Variants in TTC27 observed in about 807,000 individuals in gnomAD.
TTC27 encodes tetratricopeptide repeat domain 27.
A neutral mutation model predicts 115.9 loss-of-function variants in TTC27; 79 were observed. The ratio of observed to expected loss-of-function variants is 0.68; its 90% CI spans 0.57 to 0.82. TTC27 has a LOEUF of 0.82. Among genes scored for constraint, TTC27 ranks in the 40% least tolerant of loss-of-function variants. TTC27 has a pLI of 0.00. For missense variants in TTC27, 1,054 were observed against 993.1 expected (o/e 1.06, Z -0.82); for synonymous variants, 401 against 356.0 (o/e 1.13, Z -1.42).
chr2:32,810,075 A>G (rs1158966371), intron 16 of TTC27, among the ~76,000 whole-genome samples: 1 of 148,358 alleles, frequency 6.7e-6, no homozygotes, highest in African/African-American at 2.5e-5. Context: ...AGATCATACC[A>G]CTGCACTCCA....
Position 32,742,344 on chromosome 2 carries a change from A to G in TTC27, c.1452+5528A>G, listed in dbSNP as rs1668674108. Among the ~76,000 whole-genome samples, 3 of 152,386 alleles carry G rather than the reference A, an allele frequency of 2.0e-5. No homozygotes were observed. The South Asian group carries it at 6.2e-4, about 32-fold the overall frequency. On this transcript the variant is annotated intron_variant, in intron 12 of 19. Transcript: ENST00000317907. ...TACTCTATAAATTGGTAATGCAAATAAGAGATGATCAACTAATTGAATAAT... is the reference window on the plus strand; with the variant it reads ...TACTCTATAAATTGGTAATGCAAATGAGAGATGATCAACTAATTGAATAAT...
intron 4 of TTC27, among the ~76,000 whole-genome samples, chr2:32,647,370 T>C (rs1450164366): frequency 1.3e-5 from 2 of 152,142 alleles, no homozygotes; most frequent in Non-Finnish European, 2.9e-5. Context: ...AAGGGACAGA[T>C]AATTGAGATG....
intron 9 of TTC27, among the ~76,000 whole-genome samples, chr2:32,689,494 C>A (rs79334515): frequency 9.9e-5 from 15 of 152,128 alleles, no homozygotes; most frequent in Non-Finnish European, 2.2e-4. Flanking sequence ...GAACAAATTC[C>A]CAATAGGAAA....
intron 10 of TTC27, among the ~76,000 whole-genome samples, chr2:32,717,577 A>G (rs1667796599): frequency 6.6e-6 from 1 of 152,110 alleles, no homozygotes; most frequent in Non-Finnish European, 1.5e-5. Flanking sequence ...TCATTGTGTA[A>G]CTTTTTCACA....
chr2:32,750,143 G>A (rs1668959434), intron 12 of TTC27, among the ~76,000 whole-genome samples: 1 of 152,184 alleles, frequency 6.6e-6, no homozygotes, highest in South Asian at 2.1e-4. Flanking sequence ...AATCCAAGAA[G>A]CCAAATACTT....
intron 12 of TTC27, 37 bp from the exon 13 acceptor site, chr2:32,758,255 C>T (rs753652473): frequency 1.9e-6 from 3 of 1,562,164 alleles, no homozygotes; most frequent in Non-Finnish European, 1.7e-6. Context: ...AGCAGTTAAT[C>T]ACTCTTAAGC....
At chr2:32,693,150 T>C (rs1666874659) in intron 9 of TTC27, among the ~76,000 whole-genome samples, 1 of 152,226 alleles carries the variant, frequency 6.6e-6, no homozygotes, top group Non-Finnish European at 1.5e-5. Context: ...TTTGTTGTTT[T>C]TATTGTTTCT....
At chr2:32,702,045 C>T (rs1372934317) in intron 9 of TTC27, among the ~76,000 whole-genome samples, 1 of 128,362 alleles carries the variant, frequency 7.8e-6, no homozygotes, top group African/African-American at 2.9e-5. Context: ...AAAAAACCAG[C>T]TACCAAAACT....
intron 14 of TTC27, among the ~76,000 whole-genome samples, chr2:32,779,596 T>G (rs1402914418): frequency 1.3e-5 from 2 of 152,076 alleles, no homozygotes; most frequent in Non-Finnish European, 2.9e-5. Context: ...CTGTTAAGTT[T>G]TTTTTTTTTC....
chr2:32,628,519 C>T, intron 1 of TTC27, 139 bp downstream of exon 1: 1 of 858,902 alleles, frequency 1.2e-6, no homozygotes. Flanking sequence ...GTCGTTTAGT[C>T]TTTGACATGG....
In TTC27 at chr2:32,672,335, C is replaced by G; in HGVS notation, c.1003C>G (p.Gln335Glu). The G allele has an allele frequency of 6.2e-7, 1 of 1,613,924 alleles. No homozygotes were observed. ...AAAGTTAGCAGATTGTGAACAGTTC[C>G]AGATGCCGGATCTGTGTGCTGAAGA... ...DIKLADCEQF[Q>E]MPDLCAEEIA... Residue 335 changes from glutamine to glutamate, a missense_variant, in exon 8 of 20, where the codon CAG (glutamine) becomes GAG (glutamate). By Grantham distance (29) the Gln-to-Glu change is conservative. Coordinates refer to ENST00000317907, the MANE Select transcript of TTC27 (RefSeq NM_017735.5).
chr2:32,659,854 T>C (rs1279128073), intron 5 of TTC27, among the ~76,000 whole-genome samples: 1 of 152,190 alleles, frequency 6.6e-6, no homozygotes, highest in Non-Finnish European at 1.5e-5. Context: ...CTCATCCTTT[T>C]TTATAGCCGT....
intron 10 of TTC27, among the ~76,000 whole-genome samples, chr2:32,715,917 G>A (rs1249519980): frequency 2.0e-5 from 3 of 149,376 alleles, no homozygotes; most frequent in East Asian, 2.0e-4. Context: ...GGAATTAGAT[G>A]TAACACCTGG....
chr2:32,755,815 T>G (rs59651838), intron 12 of TTC27, among the ~76,000 whole-genome samples: 7,693 of 152,174 alleles, frequency 0.051, 316 homozygotes, highest in African/African-American at 0.11. Flanking sequence ...AAACACTGAG[T>G]GTTGTTTGCT....
intron 9 of TTC27, among the ~76,000 whole-genome samples, chr2:32,691,646 T>C (rs1371544077): frequency 6.6e-6 from 1 of 152,124 alleles, no homozygotes; most frequent in African/African-American, 2.4e-5. Flanking sequence ...TCTCAAAATA[T>C]CCTCTTATAC....
chr2:32,628,337 G>A lies in TTC27; in HGVS notation c.45G>A (p.Glu15=), dbSNP rs773281976. ...ELAILRGFPT[E]AERQQWKQEG... ...CAATTCTGAGGGGATTCCCCACTGAGGCTGAGCGGCAGCAATGGAAACAGG... is the reference window on the plus strand; with the variant it reads ...CAATTCTGAGGGGATTCCCCACTGAAGCTGAGCGGCAGCAATGGAAACAGG... Residue 15 remains glutamate (E), a synonymous_variant, in exon 1 of 20, where the codon GAG becomes GAA. Transcript: ENST00000317907. The A allele has an allele frequency of 3.7e-5, 59 of 1,608,128 alleles. No homozygotes were observed. Among genetic ancestry groups the A allele is most frequent in the Non-Finnish European group, 4.7e-5 (55 of 1,178,266 alleles).
chr2:32,771,490 AC>A (rs1669828978), intron 13 of TTC27, among the ~76,000 whole-genome samples: 1 of 152,232 alleles, frequency 6.6e-6, no homozygotes, highest in African/African-American at 2.4e-5. Context: ...CAAATCTAGC[AC>A]AAGAATTAAG....
intron 10 of TTC27, among the ~76,000 whole-genome samples, chr2:32,720,727 A>C (rs577973022): frequency 9.8e-5 from 15 of 152,348 alleles, no homozygotes; most frequent in Middle Eastern, 3.4e-3. Flanking sequence ...CTGAAGTTCA[A>C]ATTAACTCCT....
At chr2:32,656,152 A>G (rs111907337) in intron 5 of TTC27, among the ~76,000 whole-genome samples, 3 of 152,004 alleles carry the variant, frequency 2.0e-5, no homozygotes, top group African/African-American at 4.8e-5. Flanking sequence ...TTGGCCTTCT[A>G]TCTCCTGCTG....
Sources: gnomAD v4.1 joint callset for allele counts (sites outside exome capture counted in the v4.1 genomes callset) on GRCh38, gnomAD v4.1.1 for gene constraint, MANE v1.5 for transcripts, NCBI Gene and HGNC (gene_info 2026-07-23, HGNC 2026-07-21) for gene names.